The following ATP6AP1 variants were observed in gnomAD, a reference collection of about 807,000 sequenced individuals.
ATP6AP1 encodes the protein ATPase H+ transporting accessory protein 1.
ATP6AP1 carries 1 observed loss-of-function variant against 32.0 expected under a neutral mutation model. That is an observed-to-expected ratio of 0.03 (90% confidence interval 0.01 to 0.15). The LOEUF is 0.15. Among genes scored for constraint, ATP6AP1 ranks in the 10% least tolerant of loss-of-function variants. The pLI, the probability that ATP6AP1 is intolerant of heterozygous loss-of-function variation, is 1.00. For synonymous variants in ATP6AP1, 187 were observed against 174.9 expected (o/e 1.07, Z -0.55); for missense variants, 297 against 398.8 (o/e 0.74, Z 2.17).
intron 5 of ATP6AP1, among the ~76,000 whole-genome samples, chrX:154,433,187 G>C (rs1399809520): frequency 8.9e-6 from 1 of 112,148 alleles, no homozygotes; most frequent in East Asian, 2.8e-4. Context: ...TTGGCAGAGG[G>C]GGGCGGCTCT....
chrX:154,430,827 C>G (rs1227500687), intron 2 of ATP6AP1: 1 of 110,992 alleles, frequency 9.0e-6, no homozygotes, highest in Non-Finnish European at 1.9e-5. Flanking sequence ...TGCGAGGGTC[C>G]TGGGCGAGGT....
Position 154,429,387 on chromosome X carries a change from G to A in ATP6AP1, c.288+213G>A, listed in dbSNP as rs1335170622. 2.7e-5 allele frequency: 12 copies of A among 447,863 alleles called. No individual in the cohort carries two copies. The East Asian group carries it at 3.7e-4, about 14-fold the overall frequency. The allele number at this position is 447,863 out of a possible 1,213,427, so 36.9% of individuals were successfully genotyped here. A position where few individuals can be genotyped will look rare whatever the true frequency, so the allele number is the denominator to read the frequency against. Reference sequence around the variant, plus strand: ...TGGCACCAACTTGATTGGAGGAAGCGACGGACCAGAGGCCAGGTACCTACT... The same window carrying A: ...TGGCACCAACTTGATTGGAGGAAGCAACGGACCAGAGGCCAGGTACCTACT... On this transcript the variant is annotated intron_variant, in intron 2 of 9. Transcript: ENST00000369762.
intron 3 of ATP6AP1, 88 bp from the exon 4 acceptor site, chrX:154,432,178 A>C: frequency 1.1e-6 from 1 of 939,553 alleles, no homozygotes; most frequent in East Asian, 3.2e-5. Flanking sequence ...ATGGCTTGCC[A>C]GAGGAGAGCT....
intron 3 of ATP6AP1, 126 bp from the exon 4 acceptor site, chrX:154,432,140 G>A (rs1230762529): frequency 2.5e-5 from 19 of 745,151 alleles, no homozygotes; most frequent in Non-Finnish European, 3.1e-5. Flanking sequence ...TGGGGTGTGG[G>A]CCATTTTCTT....
intron 5 of ATP6AP1, 85 bp from the exon 6 acceptor site, chrX:154,433,550 A>G: frequency 1.1e-6 from 1 of 950,248 alleles, no homozygotes. Context: ...ATGGTCTAGA[A>G]GGTTTCTAAA....
In ATP6AP1 at chrX:154,433,630, C is replaced by T. The variant is rs782138982; in HGVS notation, c.599-5C>T. 15 of 1,209,751 alleles carry T rather than the reference C, an allele frequency of 1.2e-5. No homozygotes were observed. In the East Asian group the frequency reaches 3.6e-4, roughly 29 times the overall value. On this transcript the variant is annotated splice_region_variant and splice_polypyrimidine_tract_variant and intron_variant, in intron 5 of 9. Transcript: ENST00000369762. ...TGAGTCTCTGCTCTCCTTGTTGACCCTCAGATGAGGTCATCGGGCAGGTCC... is the reference window on the plus strand; with the variant it reads ...TGAGTCTCTGCTCTCCTTGTTGACCTTCAGATGAGGTCATCGGGCAGGTCC...
chrX:154,432,958 C>A lies in ATP6AP1; in HGVS notation c.585C>A (p.Val195=). The A allele has an allele frequency of 1.7e-6, 2 of 1,211,585 alleles. No homozygotes were observed. Among genetic ancestry groups the A allele is most frequent in the Non-Finnish European group, 1.1e-6 (1 of 895,289 alleles). The change falls in exon 5 of 10, where the codon GTC becomes GTA. Residue 195 remains valine, a synonymous_variant. Transcript: ENST00000369762. ...CTGGTCTGATGGCACCCAGGGAAGT[C>A]CTCACAGGCAACGGTGAGTAGAATC... ...ASSGLMAPRE[V]LTGNDEVIGQ...
In ATP6AP1 at chrX:154,429,202, C is replaced by T. The variant is rs200279182; in HGVS notation, c.288+28C>T. 10 of 1,205,459 alleles carry T rather than the reference C, an allele frequency of 8.3e-6. No individual in the cohort carries two copies. The African/African-American group carries it at 1.6e-4, about 19-fold the overall frequency. On this transcript the variant is annotated intron_variant, in intron 2 of 9. Coordinates refer to ENST00000369762, the MANE Select transcript of ATP6AP1 (RefSeq NM_001183.6). ...GCGCCCGCCCCAGCCCACTCTCCCC[C>T]GGTCATCGGGAGGCAGCCAGGCCCC...
Position 154,435,785 on chromosome X carries a change from T to C in ATP6AP1, c.1307T>C (p.Met436Thr), listed in dbSNP as rs781873327. The C allele has an allele frequency of 1.7e-6, 2 of 1,212,037 alleles. No individual in the cohort carries two copies. Among genetic ancestry groups the C allele is most frequent in the South Asian group, 3.5e-5 (2 of 57,039 alleles). The change falls in exon 10 of 10, where the codon ATG becomes ACG. Residue 436 changes from methionine (M) to threonine (T), a missense_variant. Physicochemically the swap from Met to Thr is moderately conservative, Grantham distance 81. This residue lies in a region of ATP6AP1 where 155 missense variants were observed against 253.8 expected (regional missense o/e 0.61). Coordinates refer to ENST00000369762, the MANE Select transcript of ATP6AP1 (RefSeq NM_001183.6). ...IWMGLLTSLF[M>T]LFIFTYGLHM... ...ATGGGGCTGCTCACCTCCCTGTTCA[T>C]GCTCTTCATCTTCACCTATGGCCTG...
intron 2 of ATP6AP1, chrX:154,431,490 C>T (rs1557196767): frequency 2.1e-5 from 4 of 194,664 alleles, no homozygotes; most frequent in Middle Eastern, 1.6e-3. Flanking sequence ...GCCCCACCCC[C>T]TCCCCGCAGC....
intron 3 of ATP6AP1, 130 bp downstream of exon 3, chrX:154,432,034 C>G (rs948008046): frequency 1.3e-6 from 1 of 749,693 alleles, no homozygotes; most frequent in South Asian, 2.5e-5. Context: ...CCATCCCCCC[C>G]AAAAACAACA....
chrX:154,435,534 G>C, intron 9 of ATP6AP1, 29 bp downstream of exon 9: 1 of 1,200,582 alleles, frequency 8.3e-7, no homozygotes, highest in Admixed American at 2.2e-5. Context: ...CCAGCTTCAG[G>C]TGGGGGAGCC....
intron 2 of ATP6AP1, 115 bp from the exon 3 acceptor site, chrX:154,431,715 G>T: frequency 8.8e-6 from 6 of 683,839 alleles, no homozygotes; most frequent in Non-Finnish European, 1.4e-5. Flanking sequence ...TACTGAACCT[G>T]ACTCTCAGTG....
In ATP6AP1 at chrX:154,434,226, G is replaced by A. The variant is rs990581002; in HGVS notation, c.703G>A (p.Val235Met). The change falls in exon 7 of 10, where the codon GTG becomes ATG. Residue 235 changes from valine (V) to methionine (M), a missense_variant. Physicochemically the swap from Val to Met is conservative, Grantham distance 21. Coordinates refer to ENST00000369762, the MANE Select transcript of ATP6AP1 (RefSeq NM_001183.6). ...TCTGCAGGTGGCCCGTGATGTAGCC[G>A]TGGTGGCCGGAGGGCTAGGTCGCCA... is the stretch of plus-strand genomic sequence containing the variant. ...RPSRVARDVA[V>M]VAGGLGRQLL... The A allele has an allele frequency of 1.3e-5, 16 of 1,211,716 alleles. No homozygotes were observed. Among genetic ancestry groups the A allele is most frequent in the South Asian group, 5.3e-5 (3 of 57,017 alleles).
chrX:154,435,454 C>T lies in ATP6AP1; in HGVS notation c.1152C>T (p.Leu384=), dbSNP rs782492576. 4.1e-6 allele frequency: 5 copies of T among 1,212,037 alleles called. No homozygotes were observed. The South Asian group carries it at 5.3e-5, about 13-fold the overall frequency. Residue 384 remains leucine, a synonymous_variant, in exon 9 of 10, where the codon CTC becomes CTT. Coordinates refer to ENST00000369762, the MANE Select transcript of ATP6AP1 (RefSeq NM_001183.6). ...VSSLSKKGSL[L]VARTQPSPWQ... ...GCCTGAGCAAGAAGGGTAGTCTCCTCGTGGCCCGCACGCAGCCCTCTCCCT... is the reference window on the plus strand; with the variant it reads ...GCCTGAGCAAGAAGGGTAGTCTCCTTGTGGCCCGCACGCAGCCCTCTCCCT...
intron 2 of ATP6AP1, chrX:154,430,020 G>A (rs1364257063): frequency 8.9e-6 from 1 of 112,204 alleles, no homozygotes; most frequent in Non-Finnish European, 1.9e-5. Context: ...AGCCATTGGA[G>A]GCATGAAATA....
intron 1 of ATP6AP1, 79 bp from the exon 2 acceptor site, chrX:154,428,969 C>A: frequency 8.5e-7 from 1 of 1,173,591 alleles, no homozygotes; most frequent in Non-Finnish European, 1.1e-6. Context: ...TGCTCGGGGG[C>A]TCGCAGCGAA....
Position 154,433,723 on chromosome X carries a change from A to G in ATP6AP1, c.684+3A>G. The G allele has an allele frequency of 1.7e-6, 2 of 1,208,126 alleles. No homozygotes were observed. The highest frequency in any genetic ancestry group is 2.2e-6 in the Non-Finnish European group (2 of 892,351). ...TCACAGCGGTCCGCCCTTCCAGGGT[A>G]TGTGCCCTTCCAGCAGGGGCTCTGG... On this transcript the variant is annotated splice_donor_region_variant and intron_variant, in intron 6 of 9. Transcript: ENST00000369762.
chrX:154,429,126 C>A lies in ATP6AP1; in HGVS notation c.240C>A (p.Pro80=). The change falls in exon 2 of 10, where the codon CCC becomes CCA. Residue 80 remains proline, a synonymous_variant. Transcript: ENST00000369762. ...SDLQLSTYLD[P]ALELGPRNVL... is the part of the protein sequence containing the mutation. ...TGCAGCTCTCTACCTACTTAGATCCCGCCCTGGAGCTGGGTCCCAGGAATG... is the reference window on the plus strand; with the variant it reads ...TGCAGCTCTCTACCTACTTAGATCCAGCCCTGGAGCTGGGTCCCAGGAATG... 1 of 1,211,751 alleles carries A rather than the reference C, an allele frequency of 8.3e-7. No individual in the cohort carries two copies. Among genetic ancestry groups the A allele is most frequent in the African/African-American group, 1.7e-5 (1 of 57,813 alleles).
Sources: gnomAD v4.1 joint callset for allele counts (sites outside exome capture counted in the v4.1 genomes callset) on GRCh38, gnomAD v4.1.1 for gene constraint, gnomAD v4.1.1 regional missense constraint, MANE v1.5 for transcripts, NCBI Gene and HGNC (gene_info 2026-07-23, HGNC 2026-07-21) for gene names.